EPHA4: variants seen among roughly 807,000 people sequenced by gnomAD.
The protein encoded by EPHA4 is ephrin type-A receptor 4.
In EPHA4, 19 loss-of-function variants were observed where a neutral mutation model predicts 108.3. That is an observed-to-expected ratio of 0.18 (90% CI 0.12 to 0.26). The LOEUF (loss-of-function observed/expected upper bound fraction) is 0.26, where lower values mean the gene tolerates loss of function less well. Among genes scored for constraint, EPHA4 ranks in the 10% least tolerant of loss-of-function variants. EPHA4 has a pLI of 1.00. For synonymous variants in EPHA4, 449 were observed against 455.5 expected (o/e 0.99, Z 0.18); for missense variants, 917 against 1,254.0 (o/e 0.73, Z 4.06).
In EPHA4 at chr2:221,457,943, T is replaced by C; in HGVS notation, c.1366A>G (p.Ser456Gly). 6.2e-7 allele frequency: 1 copy of C among 1,613,852 alleles called. No homozygotes were observed. Among genetic ancestry groups the C allele is most frequent in the Non-Finnish European group, 8.5e-7 (1 of 1,179,772 alleles). Residue 456 changes from serine to glycine, a missense_variant, in exon 6 of 18, where the codon AGT (serine) becomes GGT (glycine). Transcript: ENST00000281821. ...LVQAKEVTRYSVALAWLEPDR... is the reference protein window; with the variant it reads ...LVQAKEVTRYGVALAWLEPDR... ...GGTTCCAGCCAAGCCAGTGCCACACTGTATCTTGTGACTTCTTTAGCCTGG... is the reference window on the plus strand; with the variant it reads ...GGTTCCAGCCAAGCCAGTGCCACACCGTATCTTGTGACTTCTTTAGCCTGG...
intron 5 of EPHA4, among the ~76,000 whole-genome samples, chr2:221,473,212 G>A (rs1005696186): frequency 1.3e-5 from 2 of 152,132 alleles, no homozygotes; most frequent in Non-Finnish European, 2.9e-5. Flanking sequence ...TACAGGTTGT[G>A]GGGGTGGCGG....
At chr2:221,527,987 A>C (rs926089411) in intron 3 of EPHA4, among the ~76,000 whole-genome samples, 1 of 152,068 alleles carries the variant, frequency 6.6e-6, no homozygotes, top group African/African-American at 2.4e-5. Flanking sequence ...GTGTTTATAC[A>C]TCTTTCCCAG....
chr2:221,529,980 T>G (rs969648066), intron 3 of EPHA4, among the ~76,000 whole-genome samples: 1 of 152,160 alleles, frequency 6.6e-6, no homozygotes, highest in Non-Finnish European at 1.5e-5. Flanking sequence ...GAAGAGCAGA[T>G]TCAGAAAGCG....
At chr2:221,568,936 C>T (rs1177595291) in intron 1 of EPHA4, 151 bp from the exon 2 acceptor site, 1 of 530,268 alleles carries the variant, frequency 1.9e-6, no homozygotes, top group Non-Finnish European at 3.3e-6. Context: ...TGTAAATAAT[C>T]ATTACTCATT....
intron 3 of EPHA4, among the ~76,000 whole-genome samples, chr2:221,507,298 G>A (rs991784045): frequency 2.6e-5 from 4 of 152,228 alleles, no homozygotes; most frequent in African/African-American, 9.6e-5. Context: ...TTCATCAACT[G>A]TCTTACTGGA....
chr2:221,530,397 A>G (rs1447818133), intron 3 of EPHA4, among the ~76,000 whole-genome samples: 1 of 152,264 alleles, frequency 6.6e-6, no homozygotes, highest in Non-Finnish European at 1.5e-5. Flanking sequence ...TAACCATTAT[A>G]GAGATGGCAG....
chr2:221,562,456 C>T (rs1249814266), intron 3 of EPHA4, among the ~76,000 whole-genome samples: 1 of 152,094 alleles, frequency 6.6e-6, no homozygotes, highest in Non-Finnish European at 1.5e-5. Flanking sequence ...AGTGGATTGC[C>T]CCATAGTTAA....
intron 8 of EPHA4, among the ~76,000 whole-genome samples, chr2:221,450,588 A>G (rs56178467): frequency 0.078 from 11,878 of 152,244 alleles, 639 homozygotes; most frequent in East Asian, 0.26. Flanking sequence ...CTGATCAGCA[A>G]CTAACTCACC....
intron 5 of EPHA4, among the ~76,000 whole-genome samples, chr2:221,463,766 C>T (rs570646095): frequency 2.6e-5 from 4 of 152,222 alleles, no homozygotes; most frequent in South Asian, 4.1e-4. Flanking sequence ...GCAGTTTGGT[C>T]CTTGTGACAC....
intron 5 of EPHA4, among the ~76,000 whole-genome samples, chr2:221,463,679 G>A (rs1462469982): frequency 1.3e-5 from 2 of 152,176 alleles, no homozygotes; most frequent in Non-Finnish European, 2.9e-5. Flanking sequence ...GCTCCCCACT[G>A]ACGTGAATGC....
chr2:221,512,719 C>G (rs1018358379), intron 3 of EPHA4, among the ~76,000 whole-genome samples: 6 of 152,188 alleles, frequency 3.9e-5, no homozygotes, highest in Non-Finnish European at 7.3e-5. Context: ...GAAATTTCAT[C>G]CCTTATTAGG....
In EPHA4 at chr2:221,563,985, G is replaced by A; in HGVS notation, c.569C>T (p.Ala190Val). The change falls in exon 3 of 18, where the codon GCC (alanine) becomes GTC (valine). Residue 190 changes from alanine to valine, a missense_variant. Ala to Val is a moderately conservative substitution (Grantham distance 64). Transcript: ENST00000281821. ...GFYLAFQDVG[A>V]CIALVSVRVF... ...ACGGACTGATACCAGGGCGATGCAGGCCCCCACATCCTGAAAAGCCAGGTA... is the reference window on the plus strand; with the variant it reads ...ACGGACTGATACCAGGGCGATGCAGACCCCCACATCCTGAAAAGCCAGGTA... 1 of 1,613,936 alleles carries A rather than the reference G, an allele frequency of 6.2e-7. No individual in the cohort carries two copies. The highest frequency in any genetic ancestry group is 8.5e-7 in the Non-Finnish European group (1 of 1,180,018).
chr2:221,500,261 C>T (rs1161718910), intron 4 of EPHA4, among the ~76,000 whole-genome samples: 2 of 152,112 alleles, frequency 1.3e-5, no homozygotes, highest in East Asian at 1.9e-4. Context: ...AGGTGTCTGA[C>T]CTGAGCCATG....
Position 221,537,353 on chromosome 2 carries a change from C to T in EPHA4, c.823+26378G>A, listed in dbSNP as rs77784239. Among the ~76,000 whole-genome samples, 513 of 152,340 alleles carry T rather than the reference C, an allele frequency of 3.4e-3. 3 individuals carry two copies. Among genetic ancestry groups the T allele is most frequent in the African/African-American group, 0.011 (476 of 41,574 alleles). On this transcript the variant is annotated intron_variant, in intron 3 of 17. Transcript: ENST00000281821. ...AAAATAGTCTGTTACTTTGCAATCA[C>T]TCATTGTTCTTGAGTAAAACCCAAT...
At chr2:221,455,407 A>G in intron 8 of EPHA4, 140 bp downstream of exon 8, 1 of 671,712 alleles carries the variant, frequency 1.5e-6, no homozygotes, top group Admixed American at 2.4e-5. Context: ...GGGAAGATCA[A>G]AGCAACAAGG....
At chr2:221,572,648 C>T (rs1694886807), upstream of EPHA4, 1 of 158,782 alleles carries the variant, frequency 6.3e-6, no homozygotes, top group Non-Finnish European at 1.4e-5. Flanking sequence ...AGGTTGGAAA[C>T]CTTTTCTCCC....
At chr2:221,511,319 C>G (rs1367373735) in intron 3 of EPHA4, among the ~76,000 whole-genome samples, 2 of 152,188 alleles carry the variant, frequency 1.3e-5, no homozygotes, top group Admixed American at 1.3e-4. Context: ...AATTGACAAT[C>G]TAATTTAGGA....
At chr2:221,466,798 C>A (rs1691326453) in intron 5 of EPHA4, among the ~76,000 whole-genome samples, 1 of 152,128 alleles carries the variant, frequency 6.6e-6, no homozygotes, top group Non-Finnish European at 1.5e-5. Flanking sequence ...CAAGTTATAG[C>A]TTATATGTGG....
intron 3 of EPHA4, among the ~76,000 whole-genome samples, chr2:221,560,451 T>C (rs1326076998): frequency 6.6e-6 from 1 of 152,186 alleles, no homozygotes; most frequent in East Asian, 1.9e-4. Flanking sequence ...CCATATAATA[T>C]TTTCAATACA....
Sources: allele counts gnomAD v4.1 joint callset (sites outside exome capture counted in the v4.1 genomes callset), GRCh38; gene constraint gnomAD v4.1.1; transcripts MANE v1.5; gene names NCBI Gene and HGNC (gene_info 2026-07-23, HGNC 2026-07-21).